H3C13: variants seen among roughly 807,000 people sequenced by gnomAD.
H3C13 encodes H3 clustered histone 13.
Under a neutral mutation model 7.3 loss-of-function variants are expected in H3C13, and 8 were observed. That is an observed-to-expected ratio of 1.09 (90% CI 0.64 to 1.97). The LOEUF is 1.97. H3C13 is among the 30% of genes most tolerant of loss of function. The pLI, the probability that H3C13 is intolerant of heterozygous loss-of-function variation, is 0.00. For missense variants in H3C13, 173 were observed against 196.5 expected, an observed-to-expected ratio of 0.88 and a Z score of 0.72; for synonymous variants, 110 against 90.1, an observed-to-expected ratio of 1.22 and a Z score of -1.25.
Position 149,813,426 on chromosome 1 carries a change from G to T in H3C13, c.256C>A (p.Gln86Lys). 6.2e-7 allele frequency: 1 copy of T among 1,614,232 alleles called. No individual in the cohort carries two copies. The highest frequency in any genetic ancestry group is 1.7e-5 in the Admixed American group (1 of 60,032). The change falls in exon 1 of 1, where the codon CAG becomes AAG. Residue 86 changes from glutamine (Q) to lysine (K), a missense_variant. Gln to Lys is a moderately conservative substitution (Grantham distance 53). Coordinates refer to ENST00000331491, the MANE Select transcript of H3C13 (RefSeq NM_001123375.3). ...AQDFKTDLRF[Q>K]SSAVMALQEA... ...TGCAGCGCCATCACGGCCGAGCTCT[G>T]GAAGCGCAGGTCCGTCTTAAAGTCC...
chr1:149,813,359 G>C lies in H3C13; in HGVS notation c.323C>G (p.Thr108Arg). Residue 108 changes from threonine to arginine, a missense_variant, in exon 1 of 1, where the codon ACG becomes AGG. Thr to Arg is a moderately conservative substitution (Grantham distance 71, BLOSUM62 -1). Transcript: ENST00000331491. ...CTTGGCATGGATGGCGCACAGGTTC[G>C]TGTCTTCGAACAGCCCCACCAGGTA... ...EAYLVGLFED[T>R]NLCAIHAKRV... The C allele has an allele frequency of 6.2e-7, 1 of 1,614,282 alleles. No individual in the cohort carries two copies.
rs781891248 is a variant in H3C13 at position 149,813,438 on chromosome 1, C to T, written c.244G>A (p.Asp82Asn). ...ACGGCCGAGCTCTGGAAGCGCAGGT[C>T]CGTCTTAAAGTCCTGCGCGATCTCG... ...VREIAQDFKT[D>N]LRFQSSAVMA... The change falls in exon 1 of 1, where the codon GAC becomes AAC. Residue 82 changes from aspartate to asparagine, a missense_variant. Coordinates refer to ENST00000331491, the MANE Select transcript of H3C13 (RefSeq NM_001123375.3). 3.1e-6 allele frequency: 5 copies of T among 1,614,086 alleles called. No individual in the cohort carries two copies. Among genetic ancestry groups the T allele is most frequent in the Non-Finnish European group, 4.2e-6 (5 of 1,180,036 alleles).
Position 149,813,391 on chromosome 1 carries a change from G to C in H3C13, c.291C>G (p.Ser97Arg). The C allele has an allele frequency of 6.2e-7, 1 of 1,613,514 alleles. No homozygotes were observed. Among genetic ancestry groups the C allele is most frequent in the South Asian group, 1.1e-5 (1 of 91,074 alleles). The change falls in exon 1 of 1, where the codon AGC (serine) becomes AGG (arginine). Residue 97 changes from serine to arginine, a missense_variant. Ser to Arg is a moderately radical substitution (Grantham distance 110). Coordinates refer to ENST00000331491, the MANE Select transcript of H3C13 (RefSeq NM_001123375.3). ...SSAVMALQEA[S>R]EAYLVGLFED... ...CGAACAGCCCCACCAGGTAGGCCTC[G>C]CTGGCCTCCTGCAGCGCCATCACGG...
At position 149,813,333 on chromosome 1, in the gene H3C13, G is replaced by A; in HGVS notation, c.349C>T (p.Arg117Cys). The A allele has an allele frequency of 1.9e-6, 3 of 1,614,274 alleles. No individual in the cohort carries two copies. The highest frequency in any genetic ancestry group is 2.5e-6 in the Non-Finnish European group (3 of 1,180,048). The change falls in exon 1 of 1, where the codon CGC (arginine) becomes TGC (cysteine). Residue 117 changes from arginine (R) to cysteine (C), a missense_variant. Transcript: ENST00000331491. ...ATGTCCTTGGGCATGATGGTCACGC[G>A]CTTGGCATGGATGGCGCACAGGTTC... The part of the protein sequence containing the change: ...DTNLCAIHAK[R>C]VTIMPKDIQL...
In H3C13 at chr1:149,813,447, A is replaced by T. The variant is rs1355500465; in HGVS notation, c.235T>A (p.Phe79Ile). 2 of 1,614,078 alleles carry T rather than the reference A, an allele frequency of 1.2e-6. No homozygotes were observed. The highest frequency in any genetic ancestry group is 2.7e-5 in the African/African-American group (2 of 74,954). The change falls in exon 1 of 1, where the codon TTT becomes ATT. Residue 79 changes from phenylalanine (F) to isoleucine (I), a missense_variant. Coordinates refer to ENST00000331491, the MANE Select transcript of H3C13 (RefSeq NM_001123375.3). ...QRLVREIAQDFKTDLRFQSSA... is the reference protein window; with the variant it reads ...QRLVREIAQDIKTDLRFQSSA... ...CTCTGGAAGCGCAGGTCCGTCTTAA[A>T]GTCCTGCGCGATCTCGCGTACCAGC... is the stretch of plus-strand genomic sequence containing the variant.
chr1:149,813,661 A>G lies in H3C13; in HGVS notation c.21T>C (p.Thr7=). The G allele has an allele frequency of 6.2e-7, 1 of 1,613,710 alleles. No individual in the cohort carries two copies. Among genetic ancestry groups the G allele is most frequent in the Non-Finnish European group, 8.5e-7 (1 of 1,179,788 alleles). ...CCTTGCCGCCGGTCGACTTGCGGGC[A>G]GTCTGCTTAGTACGGGCCATGCTGT... MARTKQ[T]ARKSTGGKAP... Residue 7 remains threonine, a synonymous_variant, in exon 1 of 1, where the codon ACT becomes ACC. Coordinates refer to ENST00000331491, the MANE Select transcript of H3C13 (RefSeq NM_001123375.3).
At position 149,813,231 on chromosome 1, in the gene H3C13, T is replaced by C; in HGVS notation, c.*40A>G. On this transcript the variant is annotated 3_prime_UTR_variant, in exon 1 of 1. Coordinates refer to ENST00000331491, the MANE Select transcript of H3C13 (RefSeq NM_001123375.3). ...TGCTCTTGATGAAAACGGCAGTGGC[T>C]CTGAAAAGAGCCTTTAGATCGACCA... is the stretch of plus-strand genomic sequence containing the variant. The C allele has an allele frequency of 1.9e-6, 3 of 1,603,136 alleles. No individual in the cohort carries two copies. Among genetic ancestry groups the C allele is most frequent in the Non-Finnish European group, 2.6e-6 (3 of 1,173,338 alleles).
At position 149,813,468 on chromosome 1, in the gene H3C13, C is replaced by T. The variant is rs1553754919; in HGVS notation, c.214G>A (p.Val72Ile). 1 of 1,614,218 alleles carries T rather than the reference C, an allele frequency of 6.2e-7. No individual in the cohort carries two copies. Among genetic ancestry groups the T allele is most frequent in the Non-Finnish European group, 8.5e-7 (1 of 1,180,028 alleles). ...LIRKLPFQRLVREIAQDFKTD... is the reference protein window; with the variant it reads ...LIRKLPFQRLIREIAQDFKTD... ...TTAAAGTCCTGCGCGATCTCGCGTA[C>T]CAGCCGCTGGAAGGGCAGCTTGCGG... Residue 72 changes from valine to isoleucine, a missense_variant, in exon 1 of 1, where the codon GTA (valine) becomes ATA (isoleucine). By Grantham distance (29) the Val-to-Ile change is conservative. Transcript: ENST00000331491.
In H3C13 at chr1:149,813,465, G is replaced by T; in HGVS notation, c.217C>A (p.Arg73Ser). 1 of 1,614,192 alleles carries T rather than the reference G, an allele frequency of 6.2e-7. No individual in the cohort carries two copies. The highest frequency in any genetic ancestry group is 1.1e-5 in the South Asian group (1 of 91,088). ...IRKLPFQRLV[R>S]EIAQDFKTDL... is the part of the protein sequence containing the mutation. ...GTCTTAAAGTCCTGCGCGATCTCGC[G>T]TACCAGCCGCTGGAAGGGCAGCTTG... Residue 73 changes from arginine (R) to serine (S), a missense_variant, in exon 1 of 1, where the codon CGC becomes AGC. Coordinates refer to ENST00000331491, the MANE Select transcript of H3C13 (RefSeq NM_001123375.3).
rs782707194 is a variant in H3C13 at position 149,813,359 on chromosome 1, G to A, written c.323C>T (p.Thr108Met). Residue 108 changes from threonine to methionine, a missense_variant, in exon 1 of 1, where the codon ACG becomes ATG. Coordinates refer to ENST00000331491, the MANE Select transcript of H3C13 (RefSeq NM_001123375.3). The part of the protein sequence containing the change: ...EAYLVGLFED[T>M]NLCAIHAKRV... ...CTTGGCATGGATGGCGCACAGGTTC[G>A]TGTCTTCGAACAGCCCCACCAGGTA... The A allele has an allele frequency of 5.0e-6, 8 of 1,614,282 alleles. No homozygotes were observed. The highest frequency in any genetic ancestry group is 1.1e-5 in the South Asian group (1 of 91,086).
In H3C13 at chr1:149,813,382, G is replaced by A; in HGVS notation, c.300C>T (p.Tyr100=). 7.4e-6 allele frequency: 12 copies of A among 1,614,264 alleles called. No homozygotes were observed. Among genetic ancestry groups the A allele is most frequent in the Non-Finnish European group, 1.0e-5 (12 of 1,180,054 alleles). Residue 100 remains tyrosine (Y), a synonymous_variant, in exon 1 of 1, where the codon TAC becomes TAT. Coordinates refer to ENST00000331491, the MANE Select transcript of H3C13 (RefSeq NM_001123375.3). ...VMALQEASEA[Y]LVGLFEDTNL... ...TCGTGTCTTCGAACAGCCCCACCAG[G>A]TAGGCCTCGCTGGCCTCCTGCAGCG...
Position 149,813,627 on chromosome 1 carries a change from T to C in H3C13, c.55A>G (p.Lys19Glu), listed in dbSNP as rs1362002007. 6.2e-7 allele frequency: 1 copy of C among 1,613,468 alleles called. No individual in the cohort carries two copies. The highest frequency in any genetic ancestry group is 1.3e-5 in the African/African-American group (1 of 74,916). The change falls in exon 1 of 1, where the codon AAG becomes GAG. Residue 19 changes from lysine to glutamate, a missense_variant. Lys to Glu is a moderately conservative substitution (Grantham distance 56). Coordinates refer to ENST00000331491, the MANE Select transcript of H3C13 (RefSeq NM_001123375.3). Reference protein sequence around the residue: ...RKSTGGKAPRKQLATKAARKS... With the variant: ...RKSTGGKAPREQLATKAARKS... ...CGGGCCGCTTTGGTAGCCAGCTGCT[T>C]CCTCGGGGCCTTGCCGCCGGTCGAC...
chr1:149,813,469 C>T lies in H3C13; in HGVS notation c.213G>A (p.Leu71=), dbSNP rs782080837. 1.2e-6 allele frequency: 2 copies of T among 1,614,094 alleles called. No homozygotes were observed. Among genetic ancestry groups the T allele is most frequent in the East Asian group, 2.2e-5 (1 of 44,894 alleles). The change falls in exon 1 of 1, where the codon CTG becomes CTA. Residue 71 remains leucine, a synonymous_variant. Transcript: ENST00000331491. ...TAAAGTCCTGCGCGATCTCGCGTAC[C>T]AGCCGCTGGAAGGGCAGCTTGCGGA... ...LLIRKLPFQR[L]VREIAQDFKT...
rs1197534607 is a variant in H3C13, at chr1:149,813,674, C to T, written c.8G>A (p.Arg3His). MA[R>H]TKQTARKSTG... is the part of the protein sequence containing the mutation. ...CGACTTGCGGGCAGTCTGCTTAGTA[C>T]GGGCCATGCTGTCTCATTGATAGGA... The change falls in exon 1 of 1, where the codon CGT (arginine) becomes CAT (histidine). Residue 3 changes from arginine (R) to histidine (H), a missense_variant. Coordinates refer to ENST00000331491, the MANE Select transcript of H3C13 (RefSeq NM_001123375.3). 1.9e-6 allele frequency: 3 copies of T among 1,613,510 alleles called. No homozygotes were observed. The highest frequency in any genetic ancestry group is 2.5e-6 in the Non-Finnish European group (3 of 1,179,756).
In H3C13 at chr1:149,813,554, C is replaced by A. The variant is rs782312452; in HGVS notation, c.128G>T (p.Arg43Leu). 6.2e-7 allele frequency: 1 copy of A among 1,613,978 alleles called. No individual in the cohort carries two copies. Among genetic ancestry groups the A allele is most frequent in the Non-Finnish European group, 8.5e-7 (1 of 1,179,894 alleles). ...CTCCCGCAGAGCCACGGTGCCGGGC[C>A]GGTAGCGGTGCGGCTTCTTCACCCC... ...TGGVKKPHRY[R>L]PGTVALREIR... The change falls in exon 1 of 1, where the codon CGG becomes CTG. Residue 43 changes from arginine (R) to leucine (L), a missense_variant. Arg to Leu is a moderately radical substitution (Grantham distance 102). Coordinates refer to ENST00000331491, the MANE Select transcript of H3C13 (RefSeq NM_001123375.3).
In H3C13 at chr1:149,813,691, T is replaced by C. The variant is rs371489465; in HGVS notation, c.-10A>G. The C allele has an allele frequency of 3.4e-4, 546 of 1,613,324 alleles. No homozygotes were observed. The highest frequency in any genetic ancestry group is 4.4e-4 in the Non-Finnish European group (520 of 1,179,634). On this transcript the variant is annotated 5_prime_UTR_variant, in exon 1 of 1. It removes an upstream start codon present in the reference 5' UTR. Transcript: ENST00000331491. ...GCTTAGTACGGGCCATGCTGTCTCA[T>C]TGATAGGAGAGGGTCTAGGCAGTCA...
chr1:149,813,613 G>A lies in H3C13; in HGVS notation c.69C>T (p.Thr23=), dbSNP rs782475712. 5.6e-5 allele frequency: 91 copies of A among 1,613,326 alleles called. No homozygotes were observed. The East Asian group carries it at 1.3e-3, about 24-fold the overall frequency. ...GGKAPRKQLA[T]KAARKSAPAT... ...CCGGCGCGCTCTTGCGGGCCGCTTT[G>A]GTAGCCAGCTGCTTCCTCGGGGCCT... Residue 23 remains threonine (T), a synonymous_variant, in exon 1 of 1, where the codon ACC becomes ACT. Transcript: ENST00000331491.
At position 149,813,551 on chromosome 1, in the gene H3C13, G is replaced by A. The variant is rs2092012660; in HGVS notation, c.131C>T (p.Pro44Leu). 1 of 1,614,014 alleles carries A rather than the reference G, an allele frequency of 6.2e-7. No individual in the cohort carries two copies. Among genetic ancestry groups the A allele is most frequent in the Non-Finnish European group, 8.5e-7 (1 of 1,179,914 alleles). ...GATCTCCCGCAGAGCCACGGTGCCG[G>A]GCCGGTAGCGGTGCGGCTTCTTCAC... ...GGVKKPHRYR[P>L]GTVALREIRR... Residue 44 changes from proline to leucine, a missense_variant, in exon 1 of 1, where the codon CCC becomes CTC. Coordinates refer to ENST00000331491, the MANE Select transcript of H3C13 (RefSeq NM_001123375.3).
At position 149,813,307 on chromosome 1, in the gene H3C13, G is replaced by T; in HGVS notation, c.375C>A (p.Ile125=). The change falls in exon 1 of 1, where the codon ATC becomes ATA. Residue 125 remains isoleucine, a synonymous_variant. Coordinates refer to ENST00000331491, the MANE Select transcript of H3C13 (RefSeq NM_001123375.3). ...CCCCGCGGATGCGGCGGGCCAACTG[G>T]ATGTCCTTGGGCATGATGGTCACGC... ...AKRVTIMPKD[I]QLARRIRGER... The T allele has an allele frequency of 6.2e-7, 1 of 1,614,258 alleles. No individual in the cohort carries two copies. The highest frequency in any genetic ancestry group is 8.5e-7 in the Non-Finnish European group (1 of 1,180,032).
Sources: gnomAD v4.1 joint callset for allele counts on GRCh38, gnomAD v4.1.1 for gene constraint, MANE v1.5 for transcripts, NCBI Gene and HGNC (gene_info 2026-07-23, HGNC 2026-07-21) for gene names.